RABGAP1L: variants seen among roughly 807,000 people sequenced by gnomAD.
RABGAP1L encodes the protein RAB GTPase activating protein 1 like, also known as rab GTPase-activating protein 1-like.
RABGAP1L carries 63 observed loss-of-function variants against 137.7 expected under a neutral mutation model. The ratio of observed to expected loss-of-function variants is 0.46; its 90% CI spans 0.37 to 0.56. The LOEUF is 0.56. Among genes scored for constraint, RABGAP1L ranks in the 20% least tolerant of loss-of-function variants. RABGAP1L has a pLI of 0.00. For missense variants in RABGAP1L, 1,095 were observed against 1,244.0 expected (o/e 0.88, Z 1.80); for synonymous variants, 431 against 433.7 (o/e 0.99, Z 0.08).
intron 19 of RABGAP1L, among the ~76,000 whole-genome samples, chr1:174,857,833 A>G (rs1413447607): frequency 1.3e-5 from 2 of 152,194 alleles, no homozygotes; most frequent in Non-Finnish European, 2.9e-5. Context: ...TCAAAATAAA[A>G]GAAAGTTTTT....
At chr1:174,212,680 TAATA>T (rs1254954335) in intron 1 of RABGAP1L, among the ~76,000 whole-genome samples, 1 of 151,394 alleles carries the variant, frequency 6.6e-6, no homozygotes, top group Non-Finnish European at 1.5e-5. Context: ...AAAAAAGAAA[TAATA>T]AAGATCAGGG....
At chr1:174,708,442 C>G (rs1680216606) in intron 17 of RABGAP1L, among the ~76,000 whole-genome samples, 1 of 152,102 alleles carries the variant, frequency 6.6e-6, no homozygotes, top group African/African-American at 2.4e-5. Context: ...AACTGAGGTA[C>G]CCGGTTCATC....
intron 19 of RABGAP1L, among the ~76,000 whole-genome samples, chr1:174,848,995 G>A (rs1228974127): frequency 6.6e-6 from 1 of 152,158 alleles, no homozygotes; most frequent in Admixed American, 6.5e-5. Flanking sequence ...GATTTTCCAG[G>A]TGCGTCCGTC....
At chr1:174,315,030 T>C (rs2148808806) in intron 11 of RABGAP1L, among the ~76,000 whole-genome samples, 1 of 152,280 alleles carries the variant, frequency 6.6e-6, no homozygotes, top group Admixed American at 6.5e-5. Flanking sequence ...GCAGATTAAG[T>C]CTGATGTTTC....
At chr1:174,936,159 A>G (rs1423998858) in intron 19 of RABGAP1L, among the ~76,000 whole-genome samples, 1 of 152,108 alleles carries the variant, frequency 6.6e-6, no homozygotes, top group Admixed American at 6.5e-5. Context: ...ACATGATGAT[A>G]TTTACCAAGG....
At chr1:174,629,391 G>A (rs1473036389) in intron 13 of RABGAP1L, among the ~76,000 whole-genome samples, 1 of 152,142 alleles carries the variant, frequency 6.6e-6, no homozygotes, top group Non-Finnish European at 1.5e-5. Context: ...AGTGACTAAT[G>A]TAGCAAAATA....
Position 174,988,621 on chromosome 1 carries a change from A to C in RABGAP1L, c.2806-20A>C. 1 of 1,479,664 alleles carries C rather than the reference A, an allele frequency of 6.8e-7. No homozygotes were observed. Among genetic ancestry groups the C allele is most frequent in the Non-Finnish European group, 9.0e-7 (1 of 1,114,352 alleles). The allele number at this position is 1,479,664 out of a possible 1,614,324, so 91.7% of individuals were successfully genotyped here. Reference sequence around the variant, plus strand: ...CCTATGGAATAGTTTGATGTTGGTTATCTCTTTTGGATACTTTAGGGTAAG... The same window carrying C: ...CCTATGGAATAGTTTGATGTTGGTTCTCTCTTTTGGATACTTTAGGGTAAG... On this transcript the variant is annotated intron_variant, in intron 24 of 25. Transcript: ENST00000681986.
intron 18 of RABGAP1L, among the ~76,000 whole-genome samples, chr1:174,802,813 A>G (rs1324125140): frequency 6.6e-6 from 1 of 152,234 alleles, no homozygotes; most frequent in African/African-American, 2.4e-5. Context: ...TAGCATGTGT[A>G]CCAGGGGGAA....
chr1:174,271,795 T>C (rs1415081876), intron 7 of RABGAP1L, among the ~76,000 whole-genome samples: 2 of 152,046 alleles, frequency 1.3e-5, no homozygotes, highest in African/African-American at 4.8e-5. Context: ...CACAGAACAA[T>C]ATTAAATAGT....
rs1447398729 is a variant in RABGAP1L, at chr1:174,846,123, C to G, written c.2340+34163C>G. Among the ~76,000 whole-genome samples the G allele has an allele frequency of 1.1e-3, 174 of 151,828 alleles. 1 individual carries two copies. Among genetic ancestry groups the G allele is most frequent in the Middle Eastern group, 3.4e-3 (1 of 294 alleles). On this transcript the variant is annotated intron_variant, in intron 19 of 25. Coordinates refer to ENST00000681986, the MANE Select transcript of RABGAP1L (RefSeq NM_001366446.1). ...CTATTTGATTCTTCTCTCTTTTCTT[C>G]TTTATTAGTCTTGCTAGCGGTCTAT...
intron 11 of RABGAP1L, among the ~76,000 whole-genome samples, chr1:174,359,980 C>T (rs980096530): frequency 6.6e-6 from 1 of 152,148 alleles, no homozygotes; most frequent in African/African-American, 2.4e-5. Flanking sequence ...CTGTTTGGCC[C>T]CTGATTTGCT....
chr1:174,420,413 T>C (rs1324094629), intron 13 of RABGAP1L, among the ~76,000 whole-genome samples: 1 of 152,136 alleles, frequency 6.6e-6, no homozygotes, highest in African/African-American at 2.4e-5. Context: ...CATGATATAG[T>C]TGATTACTGA....
chr1:174,854,338 A>G (rs911508417), intron 19 of RABGAP1L, among the ~76,000 whole-genome samples: 6 of 152,168 alleles, frequency 3.9e-5, no homozygotes, highest in African/African-American at 1.4e-4. Context: ...CTTATATTAC[A>G]TAGGTGTTGA....
chr1:174,800,280 A>G (rs1688637010), intron 18 of RABGAP1L: 1 of 1,515,924 alleles, frequency 6.6e-7, no homozygotes, highest in African/African-American at 1.4e-5. Context: ...GCAGTTCTTA[A>G]TATTGTGGAT....
chr1:174,900,138 A>G (rs1657898755), intron 19 of RABGAP1L, among the ~76,000 whole-genome samples: 1 of 152,248 alleles, frequency 6.6e-6, no homozygotes, highest in Non-Finnish European at 1.5e-5. Flanking sequence ...GTAAATTACT[A>G]CATGTACTTC....
At chr1:174,487,959 A>G (rs921014420) in intron 13 of RABGAP1L, among the ~76,000 whole-genome samples, 1 of 152,088 alleles carries the variant, frequency 6.6e-6, no homozygotes. Flanking sequence ...TGTTGCTTCT[A>G]TTTATATCTT....
In RABGAP1L at chr1:174,448,605, T is replaced by C. The variant is rs746316105; in HGVS notation, c.1710+54460T>C. 2.5e-6 allele frequency: 4 copies of C among 1,614,076 alleles called. No individual in the cohort carries two copies. In the South Asian group the frequency reaches 3.3e-5, roughly 13 times the overall value. On this transcript the variant is annotated intron_variant, in intron 13 of 25. Transcript: ENST00000681986. This position sits in a 1 kb window ranked among gnomAD's most constrained non-coding sequence, Gnocchi z 4.2. Reference sequence around the variant, plus strand: ...CGCTTGAGAATTTGCATTATTTTGATCTGGATCTACTCCTGCCTAATTTTC... The same window carrying C: ...CGCTTGAGAATTTGCATTATTTTGACCTGGATCTACTCCTGCCTAATTTTC...
At chr1:174,790,230 G>A (rs1252459765) in intron 18 of RABGAP1L, among the ~76,000 whole-genome samples, 1 of 151,502 alleles carries the variant, frequency 6.6e-6, no homozygotes, top group East Asian at 1.9e-4. Context: ...AAGAGAATAC[G>A]TAACAAAGAA....
chr1:174,431,027 A>G (rs1471834402), intron 13 of RABGAP1L, among the ~76,000 whole-genome samples: 8 of 152,178 alleles, frequency 5.3e-5, no homozygotes, highest in African/African-American at 1.9e-4. Flanking sequence ...TAACAATAAG[A>G]TATCCTAAAA....
Sources: gnomAD v4.1 joint callset for allele counts (sites outside exome capture counted in the v4.1 genomes callset) on GRCh38, gnomAD v4.1.1 for gene constraint, Gnocchi (gnomAD v3.1) non-coding constraint, MANE v1.5 for transcripts, NCBI Gene and HGNC (gene_info 2026-07-23, HGNC 2026-07-21) for gene names.